ARHGAP42: variants seen among roughly 807,000 people sequenced by gnomAD.
ARHGAP42 encodes Rho GTPase activating protein 42, also known as rho GTPase-activating protein 42.
A neutral mutation model predicts 125.0 loss-of-function variants in ARHGAP42; 63 were observed. The observed-to-expected ratio is 0.50, with a 90% CI of 0.41 to 0.62. ARHGAP42 has a LOEUF of 0.62. Ranked by LOEUF, ARHGAP42 falls within the 20% of genes least tolerant of loss-of-function variation. ARHGAP42 has a pLI of 0.00. For synonymous variants in ARHGAP42, 339 were observed against 351.0 expected, an observed-to-expected ratio of 0.97 and a Z score of 0.38; for missense variants, 766 against 1,024.2, an observed-to-expected ratio of 0.75 and a Z score of 3.44.
intron 4 of ARHGAP42, among the ~76,000 whole-genome samples, chr11:100,874,279 A>C (rs1250856254): frequency 2.6e-5 from 4 of 152,152 alleles, no homozygotes; most frequent in Non-Finnish European, 5.9e-5. Flanking sequence ...AATAGACAGC[A>C]CTAATCTATT....
chr11:100,851,730 A>G (rs1865208389), intron 3 of ARHGAP42, among the ~76,000 whole-genome samples: 1 of 152,178 alleles, frequency 6.6e-6, no homozygotes, highest in Non-Finnish European at 1.5e-5. Flanking sequence ...CTAACGATCC[A>G]TTTCTCAGAA....
chr11:100,796,599 T>C (rs1863722333), intron 3 of ARHGAP42, among the ~76,000 whole-genome samples: 1 of 152,112 alleles, frequency 6.6e-6, no homozygotes, highest in South Asian at 2.1e-4. Flanking sequence ...AAAGGAAAGT[T>C]CTTGGAGGAA....
chr11:100,845,623 A>G (rs1274169071), intron 3 of ARHGAP42, among the ~76,000 whole-genome samples: 1 of 152,192 alleles, frequency 6.6e-6, no homozygotes. Flanking sequence ...GATAAAATAA[A>G]CACACTTGAA....
At chr11:100,935,216 G>A (rs982151562) in intron 7 of ARHGAP42, among the ~76,000 whole-genome samples, 1 of 151,838 alleles carries the variant, frequency 6.6e-6, no homozygotes, top group Non-Finnish European at 1.5e-5. Flanking sequence ...ATATTTGTGA[G>A]GTAATGCAAA....
chr11:100,903,581 C>G (rs146379950), intron 4 of ARHGAP42, among the ~76,000 whole-genome samples: 280 of 151,494 alleles, frequency 1.8e-3, no homozygotes, highest in African/African-American at 6.3e-3. Context: ...CCACTCCACA[C>G]ACTGTCTGCC....
intron 3 of ARHGAP42, among the ~76,000 whole-genome samples, chr11:100,812,340 T>C (rs1474603602): frequency 6.6e-6 from 1 of 152,238 alleles, no homozygotes; most frequent in African/African-American, 2.4e-5. Context: ...CAATAATTTA[T>C]TTTCAACAAA....
At chr11:100,806,204 C>G (rs1206201390) in intron 3 of ARHGAP42, among the ~76,000 whole-genome samples, 1 of 152,204 alleles carries the variant, frequency 6.6e-6, no homozygotes, top group East Asian at 1.9e-4. Context: ...CTATTTAAGT[C>G]TTTCCCCCAT....
At chr11:100,692,849 A>G (rs1861214165) in intron 1 of ARHGAP42, among the ~76,000 whole-genome samples, 1 of 152,222 alleles carries the variant, frequency 6.6e-6, no homozygotes, top group Non-Finnish European at 1.5e-5. Flanking sequence ...TGCAAATAAC[A>G]GGTGGAAACA....
At position 100,988,744 on chromosome 11, in the gene ARHGAP42, G is replaced by A; in HGVS notation, c.2568G>A (p.Lys856=). The A allele has an allele frequency of 6.4e-7, 1 of 1,550,470 alleles. No individual in the cohort carries two copies. Among genetic ancestry groups the A allele is most frequent in the East Asian group, 2.4e-5 (1 of 40,898 alleles). The part of the protein sequence containing the change: ...VYPSVEPGWL[K]ATYEGKTGLV... The stretch of plus-strand genomic sequence containing the variant: ...CATCAGTGGAACCAGGATGGTTAAA[G>A]GCAACTTATGAAGGCAAAACAGGAC... The change falls in exon 24 of 24, where the codon AAG becomes AAA. Residue 856 remains lysine (K), a synonymous_variant. Transcript: ENST00000298815.
chr11:100,936,124 C>T lies in ARHGAP42; in HGVS notation c.703-79C>T, dbSNP rs1336986374. The stretch of plus-strand genomic sequence containing the variant: ...ACTCTGTCTCAAAAATAAATAAAAG[C>T]AAAACAAAATATTAGTCTGGATGTT... On this transcript the variant is annotated intron_variant, in intron 7 of 23. Transcript: ENST00000298815. 5 of 1,507,880 alleles carry T rather than the reference C, an allele frequency of 3.3e-6. No homozygotes were observed. In the East Asian group the frequency reaches 7.4e-5, roughly 22 times the overall value. 93.4% of individuals were successfully genotyped at this position (1,507,880 alleles called of 1,614,324 possible). A position where few individuals can be genotyped will look rare whatever the true frequency, so the allele number is the denominator to read the frequency against.
Position 100,709,218 on chromosome 11 carries a change from T to A in ARHGAP42, c.154+21386T>A, listed in dbSNP as rs575772297. On this transcript the variant is annotated intron_variant, in intron 1 of 23. Coordinates refer to ENST00000298815, the MANE Select transcript of ARHGAP42 (RefSeq NM_152432.4). ...CTACGCCCAGCTAATTTTTGTATTT[T>A]TAGTAGAGACGGCGTTTCACCATGT... Among the ~76,000 whole-genome samples, 5 of 152,322 alleles carry A rather than the reference T, an allele frequency of 3.3e-5. No homozygotes were observed. The South Asian group carries it at 6.2e-4, about 19-fold the overall frequency.
At chr11:100,984,529 T>C (rs1858626033) in intron 22 of ARHGAP42, among the ~76,000 whole-genome samples, 1 of 152,020 alleles carries the variant, frequency 6.6e-6, no homozygotes, top group South Asian at 2.1e-4. Flanking sequence ...GAAGACATTG[T>C]ATCAATTTTG....
intron 3 of ARHGAP42, among the ~76,000 whole-genome samples, chr11:100,801,201 C>T (rs1007933286): frequency 1.3e-5 from 2 of 151,984 alleles, no homozygotes; most frequent in Admixed American, 6.6e-5. Flanking sequence ...AGATTTTGTA[C>T]AAAGATGTGT....
intron 17 of ARHGAP42, among the ~76,000 whole-genome samples, chr11:100,971,297 C>T (rs1043124032): frequency 6.6e-6 from 1 of 151,974 alleles, no homozygotes; most frequent in Non-Finnish European, 1.5e-5. Flanking sequence ...TTATGTTCTA[C>T]CATTTCCATA....
At chr11:100,970,890 G>T (rs910789970) in intron 17 of ARHGAP42, among the ~76,000 whole-genome samples, 1 of 151,956 alleles carries the variant, frequency 6.6e-6, no homozygotes, top group African/African-American at 2.4e-5. Flanking sequence ...TGAATTCCCA[G>T]TGAGTGCCTT....
chr11:100,770,364 A>C lies in ARHGAP42; in HGVS notation c.176A>C (p.Lys59Thr). 1 of 1,550,000 alleles carries C rather than the reference A, an allele frequency of 6.5e-7. No individual in the cohort carries two copies. Among genetic ancestry groups the C allele is most frequent in the Non-Finnish European group, 8.7e-7 (1 of 1,146,596 alleles). Reference sequence around the variant, plus strand: ...GCAGATCTGTCTATGGCAGTGCAGAAATTTTCCCAGTCATTGCAAGATTTC... The same window carrying C: ...GCAGATCTGTCTATGGCAGTGCAGACATTTTCCCAGTCATTGCAAGATTTC... ...ALRNLSMAVQ[K>T]FSQSLQDFQF... The change falls in exon 2 of 24, where the codon AAA becomes ACA. Residue 59 changes from lysine (K) to threonine (T), a missense_variant. Around this residue, in one of 3 missense-constraint regions of ARHGAP42, gnomAD observed 455 missense variants for 636.5 expected, o/e 0.71. Coordinates refer to ENST00000298815, the MANE Select transcript of ARHGAP42 (RefSeq NM_152432.4).
chr11:100,835,424 A>G (rs1413990441), intron 3 of ARHGAP42, among the ~76,000 whole-genome samples: 1 of 152,178 alleles, frequency 6.6e-6, no homozygotes, highest in East Asian at 1.9e-4. Flanking sequence ...ACATATTTAT[A>G]TATGAGTTTT....
At chr11:100,783,299 G>A (rs1029167107) in intron 2 of ARHGAP42, among the ~76,000 whole-genome samples, 11 of 152,198 alleles carry the variant, frequency 7.2e-5, no homozygotes, top group Non-Finnish European at 1.5e-4. Flanking sequence ...ATTTGGGCAT[G>A]TTGGTGTGCA....
Position 100,978,647 on chromosome 11 carries a change from G to A in ARHGAP42, c.2394-340G>A, listed in dbSNP as rs142619676. ...GATTTGATTCTTTGCATCTTCACTC[G>A]TGGCTCCACAGGAGTCAATAGCCGT... is the stretch of plus-strand genomic sequence containing the variant. On this transcript the variant is annotated intron_variant, in intron 21 of 23. Coordinates refer to ENST00000298815, the MANE Select transcript of ARHGAP42 (RefSeq NM_152432.4). Among the ~76,000 whole-genome samples the A allele has an allele frequency of 1.1e-3, 173 of 152,176 alleles. 1 individual carries two copies. The South Asian group carries it at 0.013, about 11-fold the overall frequency.
Sources: gnomAD v4.1 joint callset for allele counts (sites outside exome capture counted in the v4.1 genomes callset) on GRCh38, gnomAD v4.1.1 for gene constraint, gnomAD v4.1.1 regional missense constraint, MANE v1.5 for transcripts, NCBI Gene and HGNC (gene_info 2026-07-23, HGNC 2026-07-21) for gene names.